The following THAP12 variants were observed in gnomAD, a reference collection of about 807,000 sequenced individuals.
The protein encoded by THAP12 is 52 kDa repressor of the inhibitor of the protein kinase.
A neutral mutation model predicts 63.0 loss-of-function variants in THAP12; 20 were observed. The observed-to-expected ratio is 0.32, with a 90% CI of 0.22 to 0.46. The LOEUF (loss-of-function observed/expected upper bound fraction) is 0.46. THAP12 is among the 20% of genes least tolerant of loss of function. THAP12 has a pLI of 1.00. For synonymous variants in THAP12, 264 were observed against 328.4 expected (o/e 0.80, Z 2.12); for missense variants, 568 against 908.2 (o/e 0.63, Z 4.81).
intron 1 of THAP12, among the ~76,000 whole-genome samples, chr11:76,373,343 CAAAA>C (rs202157534): frequency 6.4e-5 from 4 of 62,362 alleles, no homozygotes; most frequent in Non-Finnish European, 3.4e-5. Context: ...GACACTGTCT[CAAAA>C]AAAAAAAAAA....
intron 1 of THAP12, 132 bp downstream of exon 1, chr11:76,380,616 G>A (rs1052439425): frequency 2.2e-5 from 14 of 633,372 alleles, no homozygotes; most frequent in African/African-American, 2.2e-4. Flanking sequence ...CCAACGCTGG[G>A]GTCGACGGCA....
chr11:76,354,971 C>T (rs990940927), intron 4 of THAP12, among the ~76,000 whole-genome samples: 8 of 152,134 alleles, frequency 5.3e-5, no homozygotes, highest in South Asian at 2.1e-4. Flanking sequence ...ACTTATCTCA[C>T]GGCTATTGTG....
chr11:76,350,583 C>T lies in THAP12; in HGVS notation c.*281G>A, dbSNP rs1485053895. On this transcript the variant is annotated 3_prime_UTR_variant, in exon 5 of 5. Transcript: ENST00000260045. ...TAGAGATCCACAGTGATAATAAATGCTATGTCTAAAATGACTTAACTGAAA... is the reference window on the plus strand; with the variant it reads ...TAGAGATCCACAGTGATAATAAATGTTATGTCTAAAATGACTTAACTGAAA... The T allele has an allele frequency of 4.1e-6, 1 of 243,598 alleles. No homozygotes were observed. The highest frequency in any genetic ancestry group is 8.0e-5 in the East Asian group (1 of 12,460). The allele number at this position is 243,598 out of a possible 1,614,324, so 15.1% of individuals were successfully genotyped here.
chr11:76,377,329 C>A (rs963918923), intron 1 of THAP12, among the ~76,000 whole-genome samples: 8 of 152,142 alleles, frequency 5.3e-5, no homozygotes, highest in African/African-American at 1.9e-4. Context: ...GTTCTGCAAC[C>A]ATCACCACTA....
intron 1 of THAP12, chr11:76,368,789 T>C (rs1172169079): frequency 6.6e-6 from 1 of 152,082 alleles, no homozygotes; most frequent in African/African-American, 2.4e-5. Context: ...GATCTAAATA[T>C]GAAAGGTAAA....
chr11:76,352,704 T>A lies in THAP12; in HGVS notation c.446A>T (p.Asp149Val). The A allele has an allele frequency of 1.2e-6, 2 of 1,613,040 alleles. No homozygotes were observed. Among genetic ancestry groups the A allele is most frequent in the Non-Finnish European group, 1.7e-6 (2 of 1,179,676 alleles). ...NPSEEEGEGQ[D>V]EDILPLTLEE... is the part of the protein sequence containing the mutation. The stretch of plus-strand genomic sequence containing the variant: ...AAGGGTTAGAGGTAAAATGTCCTCA[T>A]CTTGCCCTTCACCCTCTTCTTCGCT... The change falls in exon 5 of 5, where the codon GAT (aspartate) becomes GTT (valine). Residue 149 changes from aspartate (D) to valine (V), a missense_variant. Transcript: ENST00000260045.
intron 1 of THAP12, among the ~76,000 whole-genome samples, chr11:76,375,873 T>C (rs1024737507): frequency 2.6e-5 from 4 of 152,098 alleles, no homozygotes; most frequent in African/African-American, 4.8e-5. Context: ...TCAAATACAG[T>C]AGAACTTAAA....
chr11:76,366,363 A>T (rs754221848), intron 1 of THAP12, among the ~76,000 whole-genome samples: 1 of 152,172 alleles, frequency 6.6e-6, no homozygotes, highest in Non-Finnish European at 1.5e-5. Flanking sequence ...TTCAACAAGC[A>T]TACAAAACAA....
chr11:76,351,788 G>A lies in THAP12; in HGVS notation c.1362C>T (p.Asp454=). 1 of 1,613,142 alleles carries A rather than the reference G, an allele frequency of 6.2e-7. No homozygotes were observed. Among genetic ancestry groups the A allele is most frequent in the South Asian group, 1.1e-5 (1 of 90,952 alleles). ...LVLCLDGINS[D]TNIRWNNYIA... Reference sequence around the variant, plus strand: ...TATAGTTATTCCATCTAATATTTGTGTCACTATTTATACCATCTAAACATA... The same window carrying A: ...TATAGTTATTCCATCTAATATTTGTATCACTATTTATACCATCTAAACATA... Residue 454 remains aspartate, a synonymous_variant, in exon 5 of 5, where the codon GAC becomes GAT. Transcript: ENST00000260045.
At chr11:76,362,646 G>C (rs910258179) in intron 2 of THAP12, among the ~76,000 whole-genome samples, 1 of 152,096 alleles carries the variant, frequency 6.6e-6, no homozygotes, top group Non-Finnish European at 1.5e-5. Context: ...CTTTCACACC[G>C]AGCAAATGTC....
At chr11:76,353,919 C>T (rs1946543724) in intron 4 of THAP12, among the ~76,000 whole-genome samples, 1 of 152,094 alleles carries the variant, frequency 6.6e-6, no homozygotes, top group Non-Finnish European at 1.5e-5. Flanking sequence ...TGAGGCAGGA[C>T]AATTGCCTGA....
At chr11:76,359,505 A>C (rs1371881528) in intron 3 of THAP12, 1 of 152,206 alleles carries the variant, frequency 6.6e-6, no homozygotes, top group African/African-American at 2.4e-5. Flanking sequence ...TCCCAAAAGA[A>C]GTTCTAGGAG....
rs1277495964 is a variant in THAP12, at chr11:76,349,997, T to C, written c.*867A>G. The C allele has an allele frequency of 6.5e-6, 1 of 152,758 alleles. No homozygotes were observed. Among genetic ancestry groups the C allele is most frequent in the South Asian group, 2.1e-4 (1 of 4,828 alleles). The allele number at this position is 152,758 out of a possible 1,614,324, so 9.5% of individuals were successfully genotyped here. A position where few individuals can be genotyped will look rare whatever the true frequency, so the allele number is the denominator to read the frequency against. ...ATTTTATTTAGATTGAAATAAACTATACAAAATTGATTTTCTTCACCAAAA... is the reference window on the plus strand; with the variant it reads ...ATTTTATTTAGATTGAAATAAACTACACAAAATTGATTTTCTTCACCAAAA... On this transcript the variant is annotated 3_prime_UTR_variant, in exon 5 of 5. Transcript: ENST00000260045.
At chr11:76,354,583 C>T (rs981922313) in intron 4 of THAP12, among the ~76,000 whole-genome samples, 5 of 152,176 alleles carry the variant, frequency 3.3e-5, no homozygotes. Flanking sequence ...ATTCCCTTTA[C>T]TCTCTCTACC....
chr11:76,355,429 C>T (rs1946554733), intron 4 of THAP12, among the ~76,000 whole-genome samples, 189 bp downstream of exon 4: 1 of 152,220 alleles, frequency 6.6e-6, no homozygotes, highest in African/African-American at 2.4e-5. Flanking sequence ...CATTGCAGCA[C>T]TCAATAAAGA....
At position 76,366,532 on chromosome 11, in the gene THAP12, T is replaced by C. The variant is rs1040818534; in HGVS notation, c.90-560A>G. On this transcript the variant is annotated intron_variant, in intron 1 of 4. Coordinates refer to ENST00000260045, the MANE Select transcript of THAP12 (RefSeq NM_004705.4). ...CCGTCTCTACTAAAAATACAAAAAA[T>C]TAGCTGGGCGAAGCGGCGAGCGCCT... Among the ~76,000 whole-genome samples the C allele has an allele frequency of 2.6e-5, 4 of 152,064 alleles. No homozygotes were observed. In the East Asian group the frequency reaches 7.7e-4, roughly 29 times the overall value.
Position 76,351,634 on chromosome 11 carries a change from C to G in THAP12, c.1516G>C (p.Asp506His). The G allele has an allele frequency of 1.3e-6, 2 of 1,585,292 alleles. No individual in the cohort carries two copies. The highest frequency in any genetic ancestry group is 1.7e-6 in the Non-Finnish European group (2 of 1,164,354). Residue 506 changes from aspartate (D) to histidine (H), a missense_variant, in exon 5 of 5, where the codon GAT (aspartate) becomes CAT (histidine). Coordinates refer to ENST00000260045, the MANE Select transcript of THAP12 (RefSeq NM_004705.4). ...AAGCTACCGGCCGCAAAGAAGACAT[C>G]AGAGGTTTGCCCCTGGAGGTTTTTC... ...FGKNLQGQTS[D>H]VFFAAGSLTA...
At chr11:76,373,416 T>G (rs1946687607) in intron 1 of THAP12, among the ~76,000 whole-genome samples, 1 of 151,522 alleles carries the variant, frequency 6.6e-6, no homozygotes, top group African/African-American at 2.4e-5. Context: ...TTAAATGAGT[T>G]GATATGAAAG....
intron 2 of THAP12, among the ~76,000 whole-genome samples, chr11:76,365,250 C>T (rs995523227): frequency 8.1e-5 from 12 of 147,798 alleles, no homozygotes; most frequent in Non-Finnish European, 1.2e-4. Flanking sequence ...GCTAAGATAG[C>T]GCCACTGCAC....
Sources: gnomAD v4.1 joint callset for allele counts (sites outside exome capture counted in the v4.1 genomes callset) on GRCh38, gnomAD v4.1.1 for gene constraint, MANE v1.5 for transcripts, NCBI Gene and HGNC (gene_info 2026-07-23, HGNC 2026-07-21) for gene names.